Variants in ITFG1 observed in about 807,000 individuals in gnomAD.
The protein encoded by ITFG1 is integrin alpha FG-GAP repeat containing 1.
A neutral mutation model predicts 81.8 loss-of-function variants in ITFG1; 34 were observed. That is an observed-to-expected ratio of 0.42 (90% CI 0.32 to 0.55). The LOEUF (loss-of-function observed/expected upper bound fraction) is 0.55. Among genes scored for constraint, ITFG1 ranks in the 20% least tolerant of loss-of-function variants. The pLI is 0.17. For missense variants in ITFG1, 672 were observed against 755.4 expected, an observed-to-expected ratio of 0.89 and a Z score of 1.29; for synonymous variants, 285 against 270.6, an observed-to-expected ratio of 1.05 and a Z score of -0.52.
chr16:47,272,662 C>T (rs958875879), intron 10 of ITFG1, among the ~76,000 whole-genome samples: 1 of 152,096 alleles, frequency 6.6e-6, no homozygotes, highest in East Asian at 1.9e-4. Flanking sequence ...TCCCAAAGTG[C>T]TGGGATTACG....
At chr16:47,435,526 A>G (rs1969155262) in intron 5 of ITFG1, among the ~76,000 whole-genome samples, 1 of 152,206 alleles carries the variant, frequency 6.6e-6, no homozygotes, top group Non-Finnish European at 1.5e-5. Context: ...TCAAAGAATG[A>G]ATTTGTCAAA....
At chr16:47,298,822 T>C (rs549062831) in intron 10 of ITFG1, among the ~76,000 whole-genome samples, 2 of 152,334 alleles carry the variant, frequency 1.3e-5, no homozygotes, top group East Asian at 1.9e-4. Context: ...GCTGCCATGA[T>C]AGCAGTAGGG....
At chr16:47,357,431 G>A (rs1317153366) in intron 8 of ITFG1, among the ~76,000 whole-genome samples, 1 of 151,892 alleles carries the variant, frequency 6.6e-6, no homozygotes, top group Non-Finnish European at 1.5e-5. Context: ...TGGCTAACAT[G>A]GTGAAACCCC....
chr16:47,343,830 G>C (rs560335042), intron 8 of ITFG1, among the ~76,000 whole-genome samples: 1 of 152,048 alleles, frequency 6.6e-6, no homozygotes, highest in Non-Finnish European at 1.5e-5. Context: ...TTATATCCCA[G>C]CAATTTCCCT....
At chr16:47,237,713 CTT>C (rs1476005780) in intron 13 of ITFG1, among the ~76,000 whole-genome samples, 3 of 152,090 alleles carry the variant, frequency 2.0e-5, no homozygotes, top group Non-Finnish European at 4.4e-5. Context: ...GCCAAAATGT[CTT>C]AAAATAATTG....
intron 1 of ITFG1, 99 bp from the exon 2 acceptor site, chr16:47,459,274 A>G (rs747410422): frequency 8.9e-6 from 7 of 783,600 alleles, no homozygotes; most frequent in Non-Finnish European, 1.5e-5. Flanking sequence ...TCAACAAGAA[A>G]ACTTTTATTC....
chr16:47,303,234 G>A (rs557731693), intron 10 of ITFG1, among the ~76,000 whole-genome samples: 2 of 152,116 alleles, frequency 1.3e-5, no homozygotes, highest in African/African-American at 4.8e-5. Context: ...TCGCACCACT[G>A]CACTCCAGCC....
At chr16:47,223,859 T>C (rs1965724730) in intron 13 of ITFG1, among the ~76,000 whole-genome samples, 1 of 152,082 alleles carries the variant, frequency 6.6e-6, no homozygotes, top group African/African-American at 2.4e-5. Context: ...ATGTGGCACA[T>C]ATACACCATG....
At chr16:47,218,274 C>T (rs1965649816) in intron 14 of ITFG1, 1 of 152,048 alleles carries the variant, frequency 6.6e-6, no homozygotes, top group Non-Finnish European at 1.5e-5. Context: ...GGAATTATCA[C>T]AGTTATATTT....
intron 10 of ITFG1, among the ~76,000 whole-genome samples, chr16:47,283,365 C>T (rs1966470525): frequency 6.6e-6 from 1 of 152,142 alleles, no homozygotes; most frequent in Admixed American, 6.6e-5. Flanking sequence ...GTATTTTTGT[C>T]AACTTTGTTG....
chr16:47,175,582 C>A (rs1307471378), intron 14 of ITFG1, among the ~76,000 whole-genome samples: 1 of 152,096 alleles, frequency 6.6e-6, no homozygotes, highest in African/African-American at 2.4e-5. Context: ...TGTCTTACTG[C>A]TCTATGAAAA....
At chr16:47,302,510 C>A (rs543274287) in intron 10 of ITFG1, among the ~76,000 whole-genome samples, 136 of 152,256 alleles carry the variant, frequency 8.9e-4, no homozygotes, top group Admixed American at 1.4e-3. Context: ...TGCCTGGGCT[C>A]CCACTTTGGC....
rs370011926 is a variant in ITFG1, at chr16:47,162,552, T to C, written c.1566A>G (p.Pro522=). The C allele has an allele frequency of 1.3e-5, 21 of 1,602,644 alleles. No individual in the cohort carries two copies. In the African/African-American group the frequency reaches 2.8e-4, roughly 21 times the overall value. ...AATTTTTACTCACTTTTTCTCCAGATGGACGGGGAATACCAACGTAGAGAT... is the reference window on the plus strand; with the variant it reads ...AATTTTTACTCACTTTTTCTCCAGACGGACGGGGAATACCAACGTAGAGAT... ...LDHLYVGIPR[P]SGEKSIRKQE... is the part of the protein sequence containing the mutation. The change falls in exon 15 of 18, where the codon CCA becomes CCG. Residue 522 remains proline, a synonymous_variant. Coordinates refer to ENST00000320640, the MANE Select transcript of ITFG1 (RefSeq NM_030790.5).
At chr16:47,389,557 G>A (rs148160929) in intron 6 of ITFG1, among the ~76,000 whole-genome samples, 285 of 152,228 alleles carry the variant, frequency 1.9e-3, no homozygotes, top group African/African-American at 6.5e-3. Flanking sequence ...TCTGTCTACT[G>A]TCTTCTCTAA....
Position 47,415,895 on chromosome 16 carries a change from C to G in ITFG1, c.655+12909G>C, listed in dbSNP as rs191646650. On this transcript the variant is annotated intron_variant, in intron 6 of 17. Transcript: ENST00000320640. ...GATCACCTGAGGTTGGGAGTTCGAG[C>G]CCAGCTTGGCCAACATGGTGAAACC... Among the ~76,000 whole-genome samples the G allele has an allele frequency of 5.3e-3, 800 of 152,042 alleles. 6 individuals carry two copies. Among genetic ancestry groups the G allele is most frequent in the Non-Finnish European group, 9.5e-3 (646 of 67,972 alleles).
chr16:47,235,175 A>G (rs1253498004), intron 13 of ITFG1, among the ~76,000 whole-genome samples: 1 of 152,226 alleles, frequency 6.6e-6, no homozygotes, highest in East Asian at 1.9e-4. Context: ...TATACTAGGC[A>G]TAGGAGGGAA....
At chr16:47,299,272 A>G (rs987223664) in intron 10 of ITFG1, among the ~76,000 whole-genome samples, 2 of 152,214 alleles carry the variant, frequency 1.3e-5, no homozygotes, top group Admixed American at 1.3e-4. Context: ...TATCCTGGCC[A>G]GTAGGCAGTG....
intron 8 of ITFG1, among the ~76,000 whole-genome samples, chr16:47,321,795 T>G (rs1185869588): frequency 6.6e-6 from 1 of 152,188 alleles, no homozygotes; most frequent in African/African-American, 2.4e-5. Flanking sequence ...AAATTAAGAA[T>G]TTTAAAATAA....
intron 6 of ITFG1, among the ~76,000 whole-genome samples, chr16:47,391,380 G>T (rs775686614): frequency 6.6e-6 from 1 of 152,060 alleles, no homozygotes; most frequent in Non-Finnish European, 1.5e-5. Flanking sequence ...GATGAATGTG[G>T]GTACTTTCTT....
Sources: gnomAD v4.1 joint callset for allele counts (sites outside exome capture counted in the v4.1 genomes callset) on GRCh38, gnomAD v4.1.1 for gene constraint, MANE v1.5 for transcripts, NCBI Gene and HGNC (gene_info 2026-07-23, HGNC 2026-07-21) for gene names.